The following DOCK2 variants were observed in gnomAD, a reference collection of about 807,000 sequenced individuals.
DOCK2 encodes dedicator of cytokinesis protein 2.
DOCK2 carries 87 observed loss-of-function variants against 248.9 expected under a neutral mutation model. That is an observed-to-expected ratio of 0.35 (90% CI 0.29 to 0.42). DOCK2 has a LOEUF of 0.42. DOCK2 is among the 10% of genes least tolerant of loss of function. The pLI is 1.00. For synonymous variants in DOCK2, 805 were observed against 821.6 expected, an observed-to-expected ratio of 0.98 and a Z score of 0.35; for missense variants, 1,747 against 2,300.2, an observed-to-expected ratio of 0.76 and a Z score of 4.92.
At chr5:169,740,276 C>A (rs1227432559) in intron 22 of DOCK2, among the ~76,000 whole-genome samples, 1 of 151,422 alleles carries the variant, frequency 6.6e-6, no homozygotes, top group African/African-American at 2.4e-5. Flanking sequence ...TCATTTCTCC[C>A]ATATTGTTAA....
intron 25 of DOCK2, among the ~76,000 whole-genome samples, chr5:169,795,873 A>G (rs1252563635): frequency 1.3e-5 from 2 of 152,232 alleles, no homozygotes; most frequent in African/African-American, 4.8e-5. Flanking sequence ...TGTGATATCT[A>G]TAGCATCCCC....
At chr5:169,882,030 G>A (rs753106231) in intron 27 of DOCK2, among the ~76,000 whole-genome samples, 1 of 152,178 alleles carries the variant, frequency 6.6e-6, no homozygotes, top group Non-Finnish European at 1.5e-5. Context: ...AAAATGAATT[G>A]TGATCTCATT....
At chr5:170,067,461 A>G (rs1405793229) in intron 44 of DOCK2, 49 bp from the exon 45 acceptor site, 2 of 1,573,748 alleles carry the variant, frequency 1.3e-6, no homozygotes, top group African/African-American at 2.7e-5. Context: ...TCTGTTTTTA[A>G]AGTGACTTAA....
At chr5:169,736,537 T>C (rs570217673) in intron 22 of DOCK2, among the ~76,000 whole-genome samples, 14 of 152,384 alleles carry the variant, frequency 9.2e-5, no homozygotes, top group Admixed American at 3.9e-4. Flanking sequence ...CTTTGTCTGC[T>C]GTGTGCATTG....
At chr5:169,754,983 G>A (rs1168987301) in intron 23 of DOCK2, among the ~76,000 whole-genome samples, 7 of 132,210 alleles carry the variant, frequency 5.3e-5, no homozygotes, top group Non-Finnish European at 1.1e-4. Context: ...CTGTCACCCT[G>A]GCTGGAGTGC....
At chr5:169,972,177 C>T (rs1407060989) in intron 27 of DOCK2, among the ~76,000 whole-genome samples, 1 of 152,216 alleles carries the variant, frequency 6.6e-6, no homozygotes, top group Non-Finnish European at 1.5e-5. Flanking sequence ...CTTGTAGTTT[C>T]TCAAATCCTA....
chr5:169,909,682 C>T (rs1403714047), intron 27 of DOCK2, among the ~76,000 whole-genome samples: 1 of 152,176 alleles, frequency 6.6e-6, no homozygotes, highest in Non-Finnish European at 1.5e-5. Context: ...TATAATACAT[C>T]TACTTTACTC....
intron 27 of DOCK2, among the ~76,000 whole-genome samples, chr5:169,923,961 G>A (rs1033453993): frequency 1.3e-5 from 2 of 152,174 alleles, no homozygotes; most frequent in East Asian, 1.9e-4. Flanking sequence ...GAAACATTGC[G>A]GTTGGCAAAA....
rs887464725 is a variant in DOCK2, at chr5:169,812,674, A to T, written c.2703+9468A>T. On this transcript the variant is annotated intron_variant, in intron 26 of 51. Coordinates refer to ENST00000520908, the MANE Select transcript of DOCK2 (RefSeq NM_004946.3). ...AACACCTGTGAAAACATCCAGCCTT[A>T]TGCCTGGCAAATAATCTGCACTCTA... is the stretch of plus-strand genomic sequence containing the variant. Among the ~76,000 whole-genome samples, 4 of 152,348 alleles carry T rather than the reference A, an allele frequency of 2.6e-5. No homozygotes were observed. The East Asian group carries it at 5.8e-4, about 22-fold the overall frequency.
At chr5:169,728,762 G>A (rs1349366779) in intron 22 of DOCK2, among the ~76,000 whole-genome samples, 2 of 152,140 alleles carry the variant, frequency 1.3e-5, no homozygotes, top group East Asian at 3.8e-4. Context: ...TTTTTCCAGG[G>A]TGTAATCCTA....
intron 1 of DOCK2, among the ~76,000 whole-genome samples, chr5:169,653,332 T>A (rs1293082886): frequency 6.6e-6 from 1 of 152,070 alleles, no homozygotes; most frequent in Non-Finnish European, 1.5e-5. Context: ...CCACCCAACA[T>A]TGTGGGGTGG....
At chr5:169,985,010 C>G (rs929631810) in intron 28 of DOCK2, among the ~76,000 whole-genome samples, 2 of 152,164 alleles carry the variant, frequency 1.3e-5, no homozygotes, top group East Asian at 3.8e-4. Flanking sequence ...CCTCCGCCTC[C>G]TGGGTTCAAG....
At chr5:169,714,313 C>G (rs779064789) in intron 18 of DOCK2, 47 bp from the exon 19 acceptor site, 1 of 1,613,048 alleles carries the variant, frequency 6.2e-7, no homozygotes, top group Admixed American at 1.7e-5. Flanking sequence ...CTGATATGGA[C>G]AGTTAGGCCA....
At chr5:169,696,468 C>T (rs1307680924) in intron 10 of DOCK2, among the ~76,000 whole-genome samples, 10 of 152,180 alleles carry the variant, frequency 6.6e-5, no homozygotes, top group South Asian at 2.1e-4. Context: ...TCTAAGGCTT[C>T]GTCATTCTTG....
intron 26 of DOCK2, among the ~76,000 whole-genome samples, chr5:169,809,409 A>T (rs1767601829): frequency 6.6e-6 from 1 of 152,184 alleles, no homozygotes; most frequent in African/African-American, 2.4e-5. Context: ...TGCAGGTAGA[A>T]TCCTAAACTC....
intron 25 of DOCK2, among the ~76,000 whole-genome samples, chr5:169,774,386 A>G (rs948778095): frequency 6.6e-6 from 1 of 152,156 alleles, no homozygotes; most frequent in Admixed American, 6.5e-5. Context: ...AGGTATCACT[A>G]TTCCTATTTA....
At chr5:169,757,364 T>TAA (rs34457399) in intron 23 of DOCK2, among the ~76,000 whole-genome samples, 6,804 of 151,344 alleles carry the variant, frequency 0.045, 467 homozygotes, top group African/African-American at 0.14. Context: ...GTTCTATAGT[T>TAA]AAAAAAAAAC....
chr5:169,887,981 A>G (rs542300408), intron 27 of DOCK2, among the ~76,000 whole-genome samples: 3 of 152,384 alleles, frequency 2.0e-5, no homozygotes, highest in Admixed American at 6.5e-5. Context: ...TGGAATTTAT[A>G]TGAGTGGACA....
intron 22 of DOCK2, among the ~76,000 whole-genome samples, chr5:169,720,343 A>T (rs1159885641): frequency 6.6e-6 from 1 of 152,230 alleles, no homozygotes; most frequent in Non-Finnish European, 1.5e-5. Flanking sequence ...TGTTTTATGT[A>T]TAAGTAGAAT....
Sources: allele counts gnomAD v4.1 joint callset (sites outside exome capture counted in the v4.1 genomes callset), GRCh38; gene constraint gnomAD v4.1.1; transcripts MANE v1.5; gene names NCBI Gene and HGNC (gene_info 2026-07-23, HGNC 2026-07-21).